Variants in RBFOX1 observed in about 807,000 individuals in gnomAD.
RBFOX1 encodes RNA binding fox-1 homolog 1.
RBFOX1 carries 8 observed loss-of-function variants against 57.7 expected under a neutral mutation model. The ratio of observed to expected loss-of-function variants is 0.14; its 90% CI spans 0.08 to 0.25. The LOEUF is 0.25. RBFOX1 is among the 10% of genes least tolerant of loss of function. RBFOX1 has a pLI of 1.00. For missense variants in RBFOX1, 611 were observed against 548.5 expected, an observed-to-expected ratio of 1.11 and a Z score of -1.14; for synonymous variants, 326 against 222.4, an observed-to-expected ratio of 1.47 and a Z score of -4.15.
chr16:5,729,262 G>T (rs1165608907), intron 3 of RBFOX1, among the ~76,000 whole-genome samples: 1 of 152,158 alleles, frequency 6.6e-6, no homozygotes, highest in African/African-American at 2.4e-5. Flanking sequence ...ATACCTAGAG[G>T]TTAAGTTCTA....
At chr16:7,383,267 TAAAAA>T (rs201018914) in intron 4 of RBFOX1, among the ~76,000 whole-genome samples, 1,465 of 134,818 alleles carry the variant, frequency 0.011, 16 homozygotes, top group Non-Finnish European at 0.018. Context: ...CCATAAAAAT[TAAAAA>T]AAAAAAAAAC....
At chr16:5,527,040 C>G (rs2044276147) in intron 2 of RBFOX1, among the ~76,000 whole-genome samples, 1 of 152,106 alleles carries the variant, frequency 6.6e-6, no homozygotes, top group African/African-American at 2.4e-5. Flanking sequence ...TGGGACGGTG[C>G]CATGTGTCAG....
intron 1 of RBFOX1, among the ~76,000 whole-genome samples, chr16:6,074,333 T>A (rs568977285): frequency 6.6e-6 from 1 of 152,290 alleles, no homozygotes; most frequent in South Asian, 2.1e-4. Context: ...TACCTGTGAC[T>A]AGTAATTCCA....
intron 1 of RBFOX1, among the ~76,000 whole-genome samples, chr16:5,303,296 G>C (rs2063849446): frequency 6.6e-6 from 1 of 152,196 alleles, no homozygotes; most frequent in Non-Finnish European, 1.5e-5. Flanking sequence ...GGGATTTTCT[G>C]TCAGGCTGTG....
intron 1 of RBFOX1, among the ~76,000 whole-genome samples, chr16:5,292,179 T>C (rs1429447795): frequency 1.3e-5 from 2 of 152,230 alleles, no homozygotes; most frequent in Non-Finnish European, 2.9e-5. Context: ...TCTGTTTAGA[T>C]GTGCGCCAGT....
intron 4 of RBFOX1, among the ~76,000 whole-genome samples, chr16:5,888,554 G>C (rs1291713103): frequency 1.3e-5 from 2 of 152,048 alleles, no homozygotes; most frequent in African/African-American, 2.4e-5. Flanking sequence ...CCAGCACTTT[G>C]GGAGACTGAG....
At chr16:5,808,706 T>G (rs925129878) in intron 3 of RBFOX1, among the ~76,000 whole-genome samples, 35 of 152,210 alleles carry the variant, frequency 2.3e-4, no homozygotes, top group African/African-American at 8.2e-4. Flanking sequence ...TCACTCATGA[T>G]TTGGCTCTCT....
intron 5 of RBFOX1, among the ~76,000 whole-genome samples, chr16:7,528,457 C>G (rs1402176044): frequency 2.0e-5 from 3 of 152,140 alleles, no homozygotes; most frequent in African/African-American, 7.2e-5. Context: ...TAGCTGATTG[C>G]CCCATTAAGC....
At chr16:5,540,507 AT>A in intron 2 of RBFOX1, among the ~76,000 whole-genome samples, 1 of 152,284 alleles carries the variant, frequency 6.6e-6, no homozygotes, top group Non-Finnish European at 1.5e-5. Flanking sequence ...CTATGGTGAA[AT>A]TTAGTCGAAT....
At chr16:7,100,061 G>C (rs967444778) in intron 4 of RBFOX1, among the ~76,000 whole-genome samples, 4 of 151,348 alleles carry the variant, frequency 2.6e-5, no homozygotes, top group Middle Eastern at 3.2e-3. Context: ...CATGATGGGG[G>C]GTGAGGGTGG....
chr16:6,615,524 C>A (rs1292512898), intron 2 of RBFOX1, among the ~76,000 whole-genome samples: 1 of 151,370 alleles, frequency 6.6e-6, no homozygotes, highest in African/African-American at 2.4e-5. Context: ...GAGCCAAGAT[C>A]GCACCACATC....
At chr16:6,881,766 A>G (rs2062985510) in intron 3 of RBFOX1, among the ~76,000 whole-genome samples, 1 of 152,192 alleles carries the variant, frequency 6.6e-6, no homozygotes, top group Non-Finnish European at 1.5e-5. Flanking sequence ...GCATGAGCTT[A>G]TATACCATTA....
chr16:6,815,074 C>T (rs1400059051), intron 3 of RBFOX1, among the ~76,000 whole-genome samples: 1 of 152,134 alleles, frequency 6.6e-6, no homozygotes, highest in African/African-American at 2.4e-5. Flanking sequence ...AAGCGGTAGG[C>T]AATGACTAGA....
chr16:6,807,629 A>G (rs2087190613), intron 3 of RBFOX1, among the ~76,000 whole-genome samples: 2 of 152,062 alleles, frequency 1.3e-5, no homozygotes. Context: ...CAGCCTGGCG[A>G]GCATGGTGAA....
At chr16:7,546,782 C>T (rs1380853069) in intron 5 of RBFOX1, among the ~76,000 whole-genome samples, 1 of 152,124 alleles carries the variant, frequency 6.6e-6, no homozygotes, top group Non-Finnish European at 1.5e-5. Context: ...TTTATTTAGC[C>T]AATCCCTTGT....
At chr16:6,011,070 C>G (rs978054292) in intron 4 of RBFOX1, among the ~76,000 whole-genome samples, 1 of 152,126 alleles carries the variant, frequency 6.6e-6, no homozygotes, top group South Asian at 2.1e-4. Flanking sequence ...CTTTACTTAT[C>G]CATTTGTAAT....
At chr16:7,400,294 T>A (rs1467063592) in intron 4 of RBFOX1, among the ~76,000 whole-genome samples, 4 of 152,162 alleles carry the variant, frequency 2.6e-5, no homozygotes, top group African/African-American at 9.7e-5. Context: ...GGGGCAAGGA[T>A]AGGCATTAAA....
intron 2 of RBFOX1, among the ~76,000 whole-genome samples, chr16:5,527,161 A>G (rs2151025030): frequency 6.6e-6 from 1 of 152,154 alleles, no homozygotes; most frequent in East Asian, 1.9e-4. Flanking sequence ...AGGCTTGGCG[A>G]GATTGAGTGC....
At chr16:7,656,385 G>C (rs192619264) in intron 12 of RBFOX1, among the ~76,000 whole-genome samples, 1 of 152,166 alleles carries the variant, frequency 6.6e-6, no homozygotes, top group Non-Finnish European at 1.5e-5. Flanking sequence ...GATGGCAAGG[G>C]GATGGCTCCT....
Sources: allele counts gnomAD v4.1 joint callset (sites outside exome capture counted in the v4.1 genomes callset), GRCh38; gene constraint gnomAD v4.1.1; transcripts MANE v1.5; gene names NCBI Gene and HGNC (gene_info 2026-07-23, HGNC 2026-07-21).